Variants in UBAP1L observed in about 807,000 individuals in gnomAD.
UBAP1L encodes ubiquitin-associated protein 1-like.
UBAP1L carries 32 observed loss-of-function variants against 32.1 expected under a neutral mutation model. That is an observed-to-expected ratio of 1.00 (90% CI 0.75 to 1.34). The LOEUF is 1.34. Ranked by LOEUF, UBAP1L falls within the 40% of genes most tolerant of loss-of-function variation. The pLI is 0.00. For synonymous variants in UBAP1L, 243 were observed against 250.2 expected, an observed-to-expected ratio of 0.97 and a Z score of 0.27; for missense variants, 516 against 540.5, an observed-to-expected ratio of 0.95 and a Z score of 0.45.
chr15:65,102,331 C>A lies in UBAP1L; in HGVS notation c.474G>T (p.Ala158=). The A allele has an allele frequency of 6.9e-7, 1 of 1,453,798 alleles. No individual in the cohort carries two copies. The highest frequency in any genetic ancestry group is 9.0e-7 in the Non-Finnish European group (1 of 1,110,970). 90.1% of individuals were successfully genotyped at this position (1,453,798 alleles called of 1,614,324 possible). Residue 158 remains alanine (A), a synonymous_variant, in exon 3 of 6, where the codon GCG becomes GCT. Transcript: ENST00000559089. The surrounding 1 kb of genome is among the most constrained non-coding windows in gnomAD (Gnocchi z 5.0). ...LRGVRLELAG[A]RRRLSEGKLV... is the part of the protein sequence containing the mutation. Reference sequence around the variant, plus strand: ...GCTTCCCCTCGGAGAGCCGCCGCCGCGCCCCTGCCAGCTCCAACCGCACGC... The same window carrying A: ...GCTTCCCCTCGGAGAGCCGCCGCCGAGCCCCTGCCAGCTCCAACCGCACGC...
At chr15:65,110,360 AAAAACAAAAC>A (rs541759447) in intron 1 of UBAP1L, among the ~76,000 whole-genome samples, 33 of 150,742 alleles carry the variant, frequency 2.2e-4, no homozygotes, top group Non-Finnish European at 3.7e-4. Flanking sequence ...TCTGTCTCCA[AAAAACAAAAC>A]AAAACAAAAC....
intron 3 of UBAP1L, chr15:65,101,346 A>G (rs2140562562): frequency 6.6e-6 from 1 of 152,340 alleles, no homozygotes; most frequent in Admixed American, 6.5e-5. Flanking sequence ...TATGAATACA[A>G]AATTGGGCAC....
Position 65,092,890 on chromosome 15 carries a change from T to C in UBAP1L, c.*207A>G. The C allele has an allele frequency of 3.0e-6, 2 of 668,842 alleles. No homozygotes were observed. The highest frequency in any genetic ancestry group is 4.1e-4 in the Middle Eastern group (1 of 2,456). 41.4% of individuals were successfully genotyped at this position (668,842 alleles called of 1,614,324 possible). A position where few individuals can be genotyped will look rare whatever the true frequency, so the allele number is the denominator to read the frequency against. ...AAGAACATAGCTCCCCGTCCGGCTC[T>C]CCCATCTGCCCCTCTGCAGAGGCAA... On this transcript the variant is annotated 3_prime_UTR_variant, in exon 6 of 6. Coordinates refer to ENST00000559089, the MANE Select transcript of UBAP1L (RefSeq NM_001163692.2).
chr15:65,114,234 A>G (rs2087388732), intron 1 of UBAP1L, among the ~76,000 whole-genome samples: 1 of 150,554 alleles, frequency 6.6e-6, no homozygotes, highest in Admixed American at 6.6e-5. Flanking sequence ...ATTTCCTAGC[A>G]TACACATATG....
At position 65,102,361 on chromosome 15, in the gene UBAP1L, T is replaced by C; in HGVS notation, c.444A>G (p.Leu148=). The change falls in exon 3 of 6, where the codon CTA becomes CTG. Residue 148 remains leucine, a synonymous_variant. Coordinates refer to ENST00000559089, the MANE Select transcript of UBAP1L (RefSeq NM_001163692.2). The surrounding 1 kb of genome is among the most constrained non-coding windows in gnomAD (Gnocchi z 5.0). ...CTGCCAGCTCCAACCGCACGCCGCGTAGCACGTCCAGCGAGCACAGGCGAC... is the reference window on the plus strand; with the variant it reads ...CTGCCAGCTCCAACCGCACGCCGCGCAGCACGTCCAGCGAGCACAGGCGAC... ...PGRRLCSLDV[L]RGVRLELAGA... 1.4e-6 allele frequency: 2 copies of C among 1,478,898 alleles called. No homozygotes were observed. The highest frequency in any genetic ancestry group is 1.8e-6 in the Non-Finnish European group (2 of 1,123,498). 91.6% of individuals were successfully genotyped at this position (1,478,898 alleles called of 1,614,324 possible). A position where few individuals can be genotyped will look rare whatever the true frequency, so the allele number is the denominator to read the frequency against.
chr15:65,095,687 A>G (rs1272546696), intron 4 of UBAP1L: 1 of 152,242 alleles, frequency 6.6e-6, no homozygotes, highest in African/African-American at 2.4e-5. Flanking sequence ...GTATATGTGG[A>G]GAAGGGAGAG....
At position 65,102,689 on chromosome 15, in the gene UBAP1L, G is replaced by A. The variant is rs962005533; in HGVS notation, c.121-5C>T. 25 of 1,545,086 alleles carry A rather than the reference G, an allele frequency of 1.6e-5. No homozygotes were observed. Among genetic ancestry groups the A allele is most frequent in the African/African-American group, 4.1e-5 (3 of 72,894 alleles). On this transcript the variant is annotated splice_polypyrimidine_tract_variant and splice_region_variant and intron_variant, in intron 2 of 5. Transcript: ENST00000559089. This position sits in a 1 kb window ranked among gnomAD's most constrained non-coding sequence, Gnocchi z 5.0. ...CCTCTCCAGGCTGAAGTCGTGCTGCGGAAAGAAGGCGACGTAAAGCCCAGG... is the reference window on the plus strand; with the variant it reads ...CCTCTCCAGGCTGAAGTCGTGCTGCAGAAAGAAGGCGACGTAAAGCCCAGG...
intron 4 of UBAP1L, chr15:65,099,245 A>G (rs1043387324): frequency 1.1e-5 from 5 of 471,796 alleles, no homozygotes; most frequent in Non-Finnish European, 1.9e-5. Context: ...CTGCCCCTTC[A>G]GGGATTACCT....
intron 4 of UBAP1L, chr15:65,099,173 C>T (rs1217420976): frequency 3.4e-6 from 1 of 297,160 alleles, no homozygotes; most frequent in African/African-American, 2.2e-5. Flanking sequence ...ATCCACACAC[C>T]CTTTCACTGC....
At chr15:65,105,848 T>C (rs892839604) in intron 2 of UBAP1L, 7 of 691,480 alleles carry the variant, frequency 1.0e-5, no homozygotes, top group African/African-American at 3.5e-5. Flanking sequence ...TGAAATGCAG[T>C]GGCACAATCT....
intron 1 of UBAP1L, among the ~76,000 whole-genome samples, chr15:65,108,787 T>TA (rs1195313176): frequency 2.9e-5 from 4 of 137,188 alleles, no homozygotes; most frequent in South Asian, 2.4e-4. Flanking sequence ...AAATTAAATT[T>TA]AAAAAAACAC....
At chr15:65,100,376 A>G (rs1301496761) in intron 3 of UBAP1L, 1 of 152,220 alleles carries the variant, frequency 6.6e-6, no homozygotes, top group East Asian at 1.9e-4. Context: ...ATTAAGCAAC[A>G]CACGCTTGGT....
At chr15:65,093,416 G>A (rs965944604) in intron 5 of UBAP1L, among the ~76,000 whole-genome samples, 185 bp from the exon 6 acceptor site, 4 of 152,198 alleles carry the variant, frequency 2.6e-5, no homozygotes, top group African/African-American at 4.8e-5. Context: ...TGTAGGTTCC[G>A]ACCTCCCTTC....
intron 3 of UBAP1L, chr15:65,101,182 TGCA>T (rs922671950): frequency 1.3e-5 from 2 of 152,262 alleles, no homozygotes; most frequent in African/African-American, 2.4e-5. Context: ...GGCCTTATTC[TGCA>T]GCATCTCCTG....
At chr15:65,111,004 C>T (rs1456265059) in intron 1 of UBAP1L, among the ~76,000 whole-genome samples, 1 of 152,144 alleles carries the variant, frequency 6.6e-6, no homozygotes, top group African/African-American at 2.4e-5. Context: ...GGCAGGTAGG[C>T]AAATCCCTTA....
chr15:65,113,499 G>A (rs1346810718), intron 1 of UBAP1L, among the ~76,000 whole-genome samples: 1 of 152,110 alleles, frequency 6.6e-6, no homozygotes, highest in East Asian at 1.9e-4. Flanking sequence ...TGTAATCCCA[G>A]CACTTTGGGA....
At chr15:65,104,306 C>CAGAG (rs531575764) in intron 2 of UBAP1L, among the ~76,000 whole-genome samples, 1 of 143,850 alleles carries the variant, frequency 7.0e-6, no homozygotes, top group Non-Finnish European at 1.5e-5. Context: ...GAGAGCGAGA[C>CAGAG]AGAGAGAGAG....
chr15:65,099,140 T>TGTAGATCTCG, intron 4 of UBAP1L: 3 of 212,942 alleles, frequency 1.4e-5, no homozygotes, highest in Non-Finnish European at 2.8e-5. Context: ...AGAACCTGCG[T>TGTAGATCTCG]GTGGTAGACT....
chr15:65,109,331 A>G (rs775066639), intron 1 of UBAP1L, among the ~76,000 whole-genome samples: 4 of 151,272 alleles, frequency 2.6e-5, no homozygotes, highest in Non-Finnish European at 4.4e-5. Context: ...AAAATACAAA[A>G]AATTAGCTGG....
Sources: allele counts gnomAD v4.1 joint callset (sites outside exome capture counted in the v4.1 genomes callset), GRCh38; gene constraint gnomAD v4.1.1; non-coding constraint Gnocchi (gnomAD v3.1); transcripts MANE v1.5; gene names NCBI Gene and HGNC (gene_info 2026-07-23, HGNC 2026-07-21).